TIAM2: variants seen among roughly 807,000 people sequenced by gnomAD.
TIAM2 encodes the protein TIAM Rac1 associated GEF 2, also known as rho guanine nucleotide exchange factor TIAM2.
Under a neutral mutation model 152.9 loss-of-function variants are expected in TIAM2, and 80 were observed. The observed-to-expected ratio is 0.52, with a 90% confidence interval of 0.44 to 0.63. The LOEUF (loss-of-function observed/expected upper bound fraction) is 0.63. Ranked by LOEUF, TIAM2 falls within the 30% of genes least tolerant of loss-of-function variation. The pLI is 0.00. For synonymous variants in TIAM2, 804 were observed against 838.0 expected, an observed-to-expected ratio of 0.96 and a Z score of 0.70; for missense variants, 1,965 against 2,120.1, an observed-to-expected ratio of 0.93 and a Z score of 1.44.
At chr6:155,157,545 G>A (rs545327824) in intron 7 of TIAM2, among the ~76,000 whole-genome samples, 83 of 151,828 alleles carry the variant, frequency 5.5e-4, no homozygotes, top group Admixed American at 1.7e-3. Flanking sequence ...GGGTGCAAGC[G>A]ATCCTCCTGT....
chr6:155,245,821 T>C (rs1583283047), intron 19 of TIAM2, 90 bp downstream of exon 19: 1 of 887,312 alleles, frequency 1.1e-6, no homozygotes, highest in East Asian at 2.5e-5. Flanking sequence ...AAGTAGAGAG[T>C]AAGTACAATT....
At chr6:155,040,519 T>G (rs563435564) in intron 1 of TIAM2, among the ~76,000 whole-genome samples, 72 of 152,126 alleles carry the variant, frequency 4.7e-4, no homozygotes, top group South Asian at 1.2e-3. Context: ...ATTCTTTTTT[T>G]TTGTTGTTGT....
At chr6:155,131,084 G>A (rs906694434) in intron 4 of TIAM2, among the ~76,000 whole-genome samples, 2 of 152,230 alleles carry the variant, frequency 1.3e-5, no homozygotes, top group Non-Finnish European at 2.9e-5. Context: ...GCCATAGCCG[G>A]TGTGGCAGCT....
intron 2 of TIAM2, among the ~76,000 whole-genome samples, chr6:155,104,834 T>TATGGGTAG (rs1778645654): frequency 6.6e-6 from 1 of 152,090 alleles, no homozygotes. Context: ...TGTGTGCCTA[T>TATGGGTAG]ATGGGTAGAT....
In TIAM2 at chr6:155,257,497, G is replaced by GTTAGT. The variant is rs1197276435; in HGVS notation, c.*379_*383dup. 5.9e-6 allele frequency: 2 copies of GTTAGT among 337,130 alleles called. No individual in the cohort carries two copies. The highest frequency in any genetic ancestry group is 7.1e-5 in the East Asian group (1 of 14,104). The allele number at this position is 337,130 out of a possible 1,614,324, so 20.9% of individuals were successfully genotyped here. On this transcript the variant is annotated 3_prime_UTR_variant, in exon 27 of 27. Coordinates refer to ENST00000682666, the MANE Select transcript of TIAM2 (RefSeq NM_012454.4). ...TCTGGGCATTTTCTTTCAGCTGTTT[G>GTTAGT]TTAGTTTTTGCTTTATTTAAAGCAT...
At chr6:155,018,047 C>T (rs1297175742) in intron 1 of TIAM2, among the ~76,000 whole-genome samples, 1 of 151,880 alleles carries the variant, frequency 6.6e-6, no homozygotes, top group African/African-American at 2.4e-5. Context: ...GTTTACATGT[C>T]AAAACAATGA....
At chr6:155,054,800 T>C (rs1262149041) in intron 1 of TIAM2, among the ~76,000 whole-genome samples, 1 of 152,002 alleles carries the variant, frequency 6.6e-6, no homozygotes, top group East Asian at 1.9e-4. Flanking sequence ...GTTGTGTCGG[T>C]TTGTTGTAAA....
intron 1 of TIAM2, among the ~76,000 whole-genome samples, chr6:155,037,418 T>C (rs1776942976): frequency 2.6e-5 from 4 of 152,072 alleles, no homozygotes; most frequent in Non-Finnish European, 5.9e-5. Flanking sequence ...ATTTCTGTTC[T>C]GAAAAAAAAA....
chr6:155,186,855 C>T lies in TIAM2; in HGVS notation c.3064+3355C>T, dbSNP rs766598707. Among the ~76,000 whole-genome samples the T allele has an allele frequency of 5.3e-5, 8 of 152,002 alleles. No homozygotes were observed. The highest frequency in any genetic ancestry group is 2.0e-4 in the Admixed American group (3 of 15,258). The stretch of plus-strand genomic sequence containing the variant: ...CTTTGAATTATAACTTAGCAGTGGC[C>T]GGCCATTTGAGAGCCTGCCTTTCCC... On this transcript the variant is annotated intron_variant, in intron 14 of 26. Transcript: ENST00000682666. This position sits in a 1 kb window ranked among gnomAD's most constrained non-coding sequence, Gnocchi z 4.5.
At chr6:155,118,730 C>T (rs915868940) in intron 2 of TIAM2, among the ~76,000 whole-genome samples, 23 of 151,936 alleles carry the variant, frequency 1.5e-4, no homozygotes, top group East Asian at 3.9e-4. Flanking sequence ...CCACCGCGCA[C>T]GGCCTTCTCT....
intron 2 of TIAM2, among the ~76,000 whole-genome samples, chr6:155,111,461 C>A (rs1778847666): frequency 6.6e-6 from 1 of 152,186 alleles, no homozygotes; most frequent in South Asian, 2.1e-4. Context: ...CCATCACTTA[C>A]CTTTTTAAGA....
chr6:155,256,417 G>C (rs1424391558), intron 26 of TIAM2, 67 bp from the exon 27 acceptor site: 1 of 1,601,582 alleles, frequency 6.2e-7, no homozygotes, highest in Non-Finnish European at 8.5e-7. Flanking sequence ...CACAAGCTTT[G>C]AGGCAAACAT....
chr6:155,215,346 AT>A (rs1781828055), intron 15 of TIAM2, among the ~76,000 whole-genome samples: 1 of 152,220 alleles, frequency 6.6e-6, no homozygotes, highest in Non-Finnish European at 1.5e-5. Flanking sequence ...CTGAGCTTCA[AT>A]TTTCATTGTT....
intron 21 of TIAM2, 38 bp downstream of exon 21, chr6:155,250,007 G>C: frequency 6.6e-7 from 1 of 1,515,108 alleles, no homozygotes; most frequent in Non-Finnish European, 9.1e-7. Context: ...CCTAGTGCAT[G>C]TGGTGTGGGG....
intron 5 of TIAM2, among the ~76,000 whole-genome samples, chr6:155,144,027 G>T (rs531496519): frequency 2.0e-5 from 3 of 152,130 alleles, no homozygotes; most frequent in Non-Finnish European, 4.4e-5. Flanking sequence ...GGATGATTAC[G>T]TGATTGACAG....
At chr6:155,168,447 T>C (rs559936507) in intron 9 of TIAM2, among the ~76,000 whole-genome samples, 1 of 152,274 alleles carries the variant, frequency 6.6e-6, no homozygotes, top group Non-Finnish European at 1.5e-5. Flanking sequence ...ACCCTCCGCC[T>C]CCCGGGTTCA....
intron 9 of TIAM2, among the ~76,000 whole-genome samples, chr6:155,175,606 G>A (rs17739072): frequency 0.25 from 37,677 of 152,100 alleles, 5,899 homozygotes; most frequent in Admixed American, 0.36. Context: ...ATCGTACGTA[G>A]CAAGGTAAAT....
chr6:155,006,169 C>T (rs1487266088), intron 1 of TIAM2, among the ~76,000 whole-genome samples: 6 of 152,084 alleles, frequency 3.9e-5, no homozygotes, highest in South Asian at 2.1e-4. Flanking sequence ...GGCCGACCCA[C>T]GGCAGAGCTG....
intron 7 of TIAM2, among the ~76,000 whole-genome samples, chr6:155,159,892 G>A (rs554591660): frequency 7.9e-5 from 12 of 152,296 alleles, no homozygotes; most frequent in African/African-American, 2.4e-4. Context: ...ATAGATACGT[G>A]AGTAAAGATG....
Sources: allele counts gnomAD v4.1 joint callset (sites outside exome capture counted in the v4.1 genomes callset), GRCh38; gene constraint gnomAD v4.1.1; non-coding constraint Gnocchi (gnomAD v3.1); transcripts MANE v1.5; gene names NCBI Gene and HGNC (gene_info 2026-07-23, HGNC 2026-07-21).